Variants in DCC observed in about 807,000 individuals in gnomAD.
DCC encodes DCC netrin 1 receptor.
DCC carries 58 observed loss-of-function variants against 172.5 expected under a neutral mutation model. The observed-to-expected ratio is 0.34, with a 90% CI of 0.27 to 0.42. DCC has a LOEUF of 0.42. DCC is among the 10% of genes least tolerant of loss of function. The pLI, the probability that DCC is intolerant of heterozygous loss-of-function variation, is 1.00. For missense variants in DCC, 1,740 were observed against 1,791.0 expected (o/e 0.97, Z 0.51); for synonymous variants, 709 against 644.5 (o/e 1.10, Z -1.52).
chr18:52,813,359 A>C (rs78590093), intron 2 of DCC, among the ~76,000 whole-genome samples: 6,831 of 151,232 alleles, frequency 0.045, 246 homozygotes, highest in South Asian at 0.17. Flanking sequence ...AAAGGGCAAA[A>C]AGATGGTAGT....
rs528433289 is a variant in DCC at position 53,246,196 on chromosome 18, A to C, written c.1911+30599A>C. 5.9e-5 allele frequency among the ~76,000 whole-genome samples: 9 copies of C among 152,242 alleles called. No individual in the cohort carries two copies. In the East Asian group the frequency reaches 1.2e-3, roughly 20 times the overall value. On this transcript the variant is annotated intron_variant, in intron 12 of 28. Transcript: ENST00000442544. ...TGTTCTTAGAATCAGTCAGGAGGCC[A>C]GGCTTTAGCACCCTTCTTTGAGATT...
chr18:52,610,253 G>A (rs1302175212), intron 1 of DCC, among the ~76,000 whole-genome samples: 30 of 119,106 alleles, frequency 2.5e-4, no homozygotes, highest in African/African-American at 9.6e-4. Context: ...GGTGGCAGGC[G>A]CCTGTAATCC....
intron 2 of DCC, among the ~76,000 whole-genome samples, chr18:52,773,150 G>A (rs953793130): frequency 6.6e-6 from 1 of 152,198 alleles, no homozygotes; most frequent in Admixed American, 6.5e-5. Flanking sequence ...TACTTTGAGT[G>A]GAAGAGCCTA....
At chr18:53,491,085 T>C (rs545781225) in intron 26 of DCC, among the ~76,000 whole-genome samples, 164 of 152,278 alleles carry the variant, frequency 1.1e-3, no homozygotes, top group African/African-American at 3.7e-3. Context: ...CATTTTTACT[T>C]CTGTCAAAGT....
chr18:53,460,640 A>G (rs1181211448), intron 24 of DCC, among the ~76,000 whole-genome samples: 6 of 151,968 alleles, frequency 3.9e-5, no homozygotes, highest in African/African-American at 1.4e-4. Context: ...ATAGTATTCC[A>G]TGGTGTATAT....
chr18:53,474,767 G>T (rs754986362), intron 25 of DCC, among the ~76,000 whole-genome samples: 6 of 152,148 alleles, frequency 3.9e-5, no homozygotes, highest in Non-Finnish European at 8.8e-5. Flanking sequence ...TCTGGGAGTG[G>T]GGCATTGCTG....
At chr18:53,148,131 A>G (rs2043943126) in intron 7 of DCC, among the ~76,000 whole-genome samples, 1 of 152,204 alleles carries the variant, frequency 6.6e-6, no homozygotes, top group Non-Finnish European at 1.5e-5. Flanking sequence ...ATTTTACTTT[A>G]GTAGTGTCTC....
intron 1 of DCC, among the ~76,000 whole-genome samples, chr18:52,439,060 A>G (rs754534953): frequency 1.2e-4 from 19 of 152,034 alleles, no homozygotes; most frequent in Non-Finnish European, 1.9e-4. Context: ...AGTGTGGGAG[A>G]AAAAAAGGTA....
At chr18:53,374,924 C>A (rs898036694) in intron 15 of DCC, among the ~76,000 whole-genome samples, 35 of 152,152 alleles carry the variant, frequency 2.3e-4, no homozygotes, top group African/African-American at 7.7e-4. Flanking sequence ...ATTATTTCCA[C>A]CTTTGCATTT....
At chr18:52,769,467 T>C (rs1220426012) in intron 2 of DCC, among the ~76,000 whole-genome samples, 2 of 152,234 alleles carry the variant, frequency 1.3e-5, no homozygotes, top group Admixed American at 1.3e-4. Context: ...ATATTTGGTT[T>C]GAGAGTCCTT....
intron 21 of DCC, among the ~76,000 whole-genome samples, chr18:53,419,064 G>T (rs11875957): frequency 2.0e-5 from 3 of 151,930 alleles, no homozygotes; most frequent in African/African-American, 4.8e-5. Context: ...CCAGAGTTTC[G>T]TTTTTTGTAG....
chr18:53,077,951 T>A (rs1391101618), intron 7 of DCC, among the ~76,000 whole-genome samples: 1 of 152,202 alleles, frequency 6.6e-6, no homozygotes, highest in Admixed American at 6.6e-5. Context: ...TTGCTAAGTG[T>A]GGGTTAAATG....
intron 1 of DCC, among the ~76,000 whole-genome samples, chr18:52,460,383 CCTCTT>C (rs1288118785): frequency 6.6e-6 from 1 of 152,100 alleles, no homozygotes; most frequent in Non-Finnish European, 1.5e-5. Context: ...CTGATCACTC[CCTCTT>C]TTTTTCAACA....
At chr18:52,905,497 C>G (rs2039868290) in intron 2 of DCC, among the ~76,000 whole-genome samples, 1 of 152,166 alleles carries the variant, frequency 6.6e-6, no homozygotes, top group Non-Finnish European at 1.5e-5. Context: ...AAGCAGTAAA[C>G]CCTAAAAGAC....
intron 1 of DCC, among the ~76,000 whole-genome samples, chr18:52,568,778 G>A (rs564270969): frequency 7.9e-5 from 12 of 152,138 alleles, no homozygotes; most frequent in African/African-American, 2.2e-4. Flanking sequence ...AACGTGCAAG[G>A]TGTGGTCTCT....
chr18:53,266,739 T>C (rs950730379), intron 12 of DCC, among the ~76,000 whole-genome samples: 2 of 151,880 alleles, frequency 1.3e-5, no homozygotes, highest in African/African-American at 4.8e-5. Flanking sequence ...TCTATGTATT[T>C]GTGTATTCTG....
intron 2 of DCC, among the ~76,000 whole-genome samples, chr18:52,849,533 G>A (rs1242084447): frequency 6.6e-6 from 1 of 152,172 alleles, no homozygotes; most frequent in African/African-American, 2.4e-5. Context: ...AGGGCAAGAA[G>A]AGAGTATTGG....
chr18:52,591,757 C>CT (rs147881529), intron 1 of DCC, among the ~76,000 whole-genome samples: 40,775 of 145,694 alleles, frequency 0.28, 6,426 homozygotes, highest in Middle Eastern at 0.38. Flanking sequence ...TACTTTTTTT[C>CT]TTTTTTTGTT....
intron 7 of DCC, among the ~76,000 whole-genome samples, chr18:53,083,178 C>T (rs956572788): frequency 5.3e-5 from 8 of 152,014 alleles, no homozygotes; most frequent in East Asian, 1.9e-4. Flanking sequence ...CTTTGTTTTT[C>T]GATTGTTCCA....
Sources: allele counts gnomAD v4.1 joint callset (sites outside exome capture counted in the v4.1 genomes callset), GRCh38; gene constraint gnomAD v4.1.1; transcripts MANE v1.5; gene names NCBI Gene and HGNC (gene_info 2026-07-23, HGNC 2026-07-21).